Variants in NAALADL2 observed in about 807,000 individuals in gnomAD.
NAALADL2 encodes the protein N-acetylated alpha-linked acidic dipeptidase like 2.
In NAALADL2, 76 loss-of-function variants were observed where a neutral mutation model predicts 87.2. The observed-to-expected ratio is 0.87, with a 90% CI of 0.72 to 1.05. The LOEUF is 1.05. Among genes scored for constraint, NAALADL2 ranks in the 50% least tolerant of loss-of-function variants. The pLI is 0.00. For missense variants in NAALADL2, 1,089 were observed against 945.8 expected, an observed-to-expected ratio of 1.15 and a Z score of -1.99; for synonymous variants, 354 against 331.0, an observed-to-expected ratio of 1.07 and a Z score of -0.75.
intron 1 of NAALADL2, among the ~76,000 whole-genome samples, chr3:174,927,790 T>C (rs964051157): frequency 6.6e-5 from 10 of 152,058 alleles, no homozygotes; most frequent in South Asian, 2.1e-4. Flanking sequence ...AACATCGCAA[T>C]TGAAAGAACT....
intron 5 of NAALADL2, among the ~76,000 whole-genome samples, chr3:175,395,061 G>T (rs1288038698): frequency 6.6e-6 from 1 of 152,004 alleles, no homozygotes; most frequent in Non-Finnish European, 1.5e-5. Context: ...GTAAAATAAG[G>T]ATGATTTGAA....
chr3:175,293,065 G>A (rs534860609), intron 4 of NAALADL2, among the ~76,000 whole-genome samples: 51 of 137,644 alleles, frequency 3.7e-4, no homozygotes, highest in African/African-American at 1.4e-3. Flanking sequence ...AAAAAAAAAG[G>A]GGGAACTCGG....
chr3:175,439,683 G>A (rs569689604), intron 5 of NAALADL2, among the ~76,000 whole-genome samples: 14 of 148,574 alleles, frequency 9.4e-5, no homozygotes, highest in African/African-American at 2.5e-4. Flanking sequence ...CTTTTTGATG[G>A]GATTGTTTGT....
At chr3:174,556,061 T>C (rs1394201605) in intron 2 of NAALADL2, among the ~76,000 whole-genome samples, 2 of 151,830 alleles carry the variant, frequency 1.3e-5, no homozygotes, top group Non-Finnish European at 2.9e-5. Flanking sequence ...TTAGAATTCA[T>C]ACATACAGAT....
chr3:175,667,217 A>AAG (rs1239525070), intron 11 of NAALADL2, among the ~76,000 whole-genome samples: 3 of 126,168 alleles, frequency 2.4e-5, no homozygotes, highest in African/African-American at 4.4e-5. Context: ...GAAAGAAAGA[A>AAG]AGAAAGAAAG....
chr3:175,268,411 CAGTG>C (rs1752301092), intron 4 of NAALADL2, among the ~76,000 whole-genome samples: 1 of 152,098 alleles, frequency 6.6e-6, no homozygotes, highest in African/African-American at 2.4e-5. Flanking sequence ...CTCTAGGTGT[CAGTG>C]AGTGAGTGGT....
At chr3:175,011,639 T>G (rs1462475943) in intron 1 of NAALADL2, among the ~76,000 whole-genome samples, 2 of 152,156 alleles carry the variant, frequency 1.3e-5, no homozygotes, top group African/African-American at 4.8e-5. Flanking sequence ...TTCTAAAAGT[T>G]TTCTCTTTGG....
chr3:175,184,318 G>T (rs1042434522), intron 2 of NAALADL2, among the ~76,000 whole-genome samples: 2 of 151,870 alleles, frequency 1.3e-5, no homozygotes, highest in Non-Finnish European at 1.5e-5. Flanking sequence ...TTGAGCATTG[G>T]GTTATCTAAG....
At chr3:174,456,451 C>G (rs1446895105) in intron 1 of NAALADL2, among the ~76,000 whole-genome samples, 8 of 145,524 alleles carry the variant, frequency 5.5e-5, no homozygotes, top group Non-Finnish European at 1.0e-4. Flanking sequence ...AAGCATCACT[C>G]TACCTGACTT....
chr3:174,878,274 C>T (rs535913576), intron 1 of NAALADL2, among the ~76,000 whole-genome samples: 92 of 152,016 alleles, frequency 6.1e-4, no homozygotes, highest in Non-Finnish European at 1.2e-3. Flanking sequence ...AAATTGAGAA[C>T]TCAGATGAAA....
intron 2 of NAALADL2, among the ~76,000 whole-genome samples, chr3:175,123,396 C>G (rs1451011313): frequency 6.6e-6 from 1 of 151,906 alleles, no homozygotes; most frequent in African/African-American, 2.4e-5. Flanking sequence ...TTTTTAACTT[C>G]CGAGTACTTG....
At chr3:175,772,442 T>C (rs776314277) in intron 13 of NAALADL2, among the ~76,000 whole-genome samples, 1 of 152,092 alleles carries the variant, frequency 6.6e-6, no homozygotes, top group Non-Finnish European at 1.5e-5. Flanking sequence ...TATCTACAAT[T>C]TGTTCCTGTT....
At chr3:175,224,279 G>C (rs906343396) in intron 2 of NAALADL2, among the ~76,000 whole-genome samples, 3 of 152,116 alleles carry the variant, frequency 2.0e-5, no homozygotes, top group Admixed American at 2.0e-4. Context: ...GACTGTGATA[G>C]GATGTTCCTG....
At chr3:175,771,610 C>A (rs1749499125) in intron 13 of NAALADL2, among the ~76,000 whole-genome samples, 1 of 152,148 alleles carries the variant, frequency 6.6e-6, no homozygotes, top group Non-Finnish European at 1.5e-5. Flanking sequence ...TCACTCCAAT[C>A]TTTGCCTCAG....
At chr3:174,967,371 C>CAAAAAAA (rs58590340) in intron 1 of NAALADL2, among the ~76,000 whole-genome samples, 1 of 126,330 alleles carries the variant, frequency 7.9e-6, no homozygotes, top group Non-Finnish European at 1.7e-5. Context: ...TGGTGGATTG[C>CAAAAAAA]AAAAAAAAAA....
At chr3:174,707,220 T>G (rs1730160212) in intron 2 of NAALADL2, among the ~76,000 whole-genome samples, 1 of 152,178 alleles carries the variant, frequency 6.6e-6, no homozygotes, top group Non-Finnish European at 1.5e-5. Flanking sequence ...GTTCAACCGT[T>G]GTGGAAGACA....
intron 1 of NAALADL2, among the ~76,000 whole-genome samples, chr3:174,866,341 A>G (rs557083655): frequency 2.6e-5 from 4 of 151,884 alleles, no homozygotes; most frequent in Admixed American, 1.3e-4. Context: ...TCCTAAAGCT[A>G]TTGCACTATG....
chr3:175,578,060 G>A (rs986613735), intron 10 of NAALADL2, among the ~76,000 whole-genome samples: 2 of 151,920 alleles, frequency 1.3e-5, no homozygotes, highest in Non-Finnish European at 2.9e-5. Context: ...ATTTTAAATC[G>A]CTTCATGTTA....
chr3:175,462,830 A>G (rs1244420525), intron 6 of NAALADL2, among the ~76,000 whole-genome samples: 1 of 152,218 alleles, frequency 6.6e-6, no homozygotes, highest in Non-Finnish European at 1.5e-5. Context: ...TTTAGAATAG[A>G]GGTAAGGGAC....
Sources: gnomAD v4.1 joint callset for allele counts (sites outside exome capture counted in the v4.1 genomes callset) on GRCh38, gnomAD v4.1.1 for gene constraint, MANE v1.5 for transcripts, NCBI Gene and HGNC (gene_info 2026-07-23, HGNC 2026-07-21) for gene names.